Variants in KDM4D observed in about 807,000 individuals in gnomAD.
KDM4D encodes the protein lysine-specific demethylase 4D.
For synonymous variants in KDM4D, 254 were observed against 249.1 expected, an observed-to-expected ratio of 1.02 and a Z score of -0.19; for missense variants, 427 against 674.8, an observed-to-expected ratio of 0.63 and a Z score of 4.07.
At position 94,997,218 on chromosome 11, in the gene KDM4D, G is replaced by A; in HGVS notation, c.-155G>A. The A allele has an allele frequency of 3.8e-6, 2 of 525,244 alleles. No individual in the cohort carries two copies. The highest frequency in any genetic ancestry group is 6.4e-6 in the Non-Finnish European group (2 of 314,960). The allele number at this position is 525,244 out of a possible 1,614,324, so 32.5% of individuals were successfully genotyped here. On this transcript the variant is annotated 5_prime_UTR_variant, in exon 3 of 3. Transcript: ENST00000335080. ...CTCACTAGTGAATAAACAAGCCCAA[G>A]AAAGATTATCATCTCATTTGCAAAA...
intron 2 of KDM4D, among the ~76,000 whole-genome samples, chr11:94,987,947 A>G (rs75189964): frequency 1.3e-5 from 2 of 152,170 alleles, no homozygotes; most frequent in Non-Finnish European, 2.9e-5. Context: ...TTGCTGTCTT[A>G]ACAGTATTTG....
At position 94,999,174 on chromosome 11, in the gene KDM4D, A is replaced by C; in HGVS notation, c.*230A>C. On this transcript the variant is annotated 3_prime_UTR_variant, in exon 3 of 3. Coordinates refer to ENST00000335080, the MANE Select transcript of KDM4D (RefSeq NM_018039.3). ...ATGTCTTTGGATATTGCTAAAATCT[A>C]TTTCTGCAGCTGAGGTTTTATCCAC... 2.5e-6 allele frequency: 1 copy of C among 392,478 alleles called. No individual in the cohort carries two copies. The highest frequency in any genetic ancestry group is 4.7e-6 in the Non-Finnish European group (1 of 212,194). 24.3% of individuals were successfully genotyped at this position (392,478 alleles called of 1,614,324 possible). A position where few individuals can be genotyped will look rare whatever the true frequency, so the allele number is the denominator to read the frequency against.
Position 94,974,014 on chromosome 11 carries a change from A to C in KDM4D, c.-499A>C, listed in dbSNP as rs1857773384. The C allele has an allele frequency of 6.6e-6, 1 of 152,270 alleles. No homozygotes were observed. The highest frequency in any genetic ancestry group is 6.5e-5 in the Admixed American group (1 of 15,282). The allele number at this position is 152,270 out of a possible 1,614,324, so 9.4% of individuals were successfully genotyped here. ...TTCGGAAAAACTAGTGTTTTCATTT[A>C]ATTGGATATGAAGAAAGAACAAATA... On this transcript the variant is annotated 5_prime_UTR_variant, in exon 1 of 3. Transcript: ENST00000335080.
chr11:94,989,649 A>C (rs1344020393), intron 2 of KDM4D, among the ~76,000 whole-genome samples: 4 of 151,856 alleles, frequency 2.6e-5, no homozygotes, highest in African/African-American at 9.7e-5. Flanking sequence ...ACACTCCTCT[A>C]GATGTTCATA....
intron 1 of KDM4D, among the ~76,000 whole-genome samples, chr11:94,974,827 G>A (rs1240667484): frequency 1.3e-5 from 2 of 152,068 alleles, no homozygotes; most frequent in Non-Finnish European, 2.9e-5. Flanking sequence ...TCTCCTACCT[G>A]GATTGTAATT....
At chr11:94,981,295 A>G (rs1438441914) in intron 2 of KDM4D, among the ~76,000 whole-genome samples, 2 of 152,186 alleles carry the variant, frequency 1.3e-5, no homozygotes, top group East Asian at 1.9e-4. Flanking sequence ...TTTTCCATCT[A>G]TGTTCATAAG....
chr11:94,989,748 C>CT (rs1491463518), intron 2 of KDM4D, among the ~76,000 whole-genome samples: 1 of 74,594 alleles, frequency 1.3e-5, no homozygotes, highest in African/African-American at 4.9e-5. Flanking sequence ...CTCTCTCTCT[C>CT]TTTCTTTTTT....
intron 2 of KDM4D, among the ~76,000 whole-genome samples, chr11:94,995,836 C>T (rs1465372987): frequency 6.6e-6 from 1 of 152,160 alleles, no homozygotes; most frequent in Non-Finnish European, 1.5e-5. Context: ...CATCAACAAC[C>T]TTATCCCTTT....
chr11:94,991,476 T>A, intron 2 of KDM4D, among the ~76,000 whole-genome samples: 1 of 151,492 alleles, frequency 6.6e-6, no homozygotes. Context: ...TCTAGAGAGG[T>A]AAAAGAAGAA....
rs909785573 is a variant in KDM4D, at chr11:94,999,471, A to T, written c.*527A>T. The T allele has an allele frequency of 6.0e-6, 1 of 166,050 alleles. No homozygotes were observed. The highest frequency in any genetic ancestry group is 1.5e-5 in the Non-Finnish European group (1 of 68,172). The allele number at this position is 166,050 out of a possible 1,614,324, so 10.3% of individuals were successfully genotyped here. A position where few individuals can be genotyped will look rare whatever the true frequency, so the allele number is the denominator to read the frequency against. ...TTATGTACTTAAAATATGTTGTCAC[A>T]GTATTTGTTCCCAAATATATTAAAG... On this transcript the variant is annotated 3_prime_UTR_variant, in exon 3 of 3. Transcript: ENST00000335080.
chr11:94,996,380 G>C (rs1857976043), intron 2 of KDM4D, among the ~76,000 whole-genome samples: 1 of 152,108 alleles, frequency 6.6e-6, no homozygotes, highest in East Asian at 1.9e-4. Context: ...CTTTTCCCAA[G>C]GTAGCCACTA....
At position 94,981,787 on chromosome 11, in the gene KDM4D, A is replaced by G. The variant is rs1011208948; in HGVS notation, c.-350+6039A>G. Reference sequence around the variant, plus strand: ...TATTAGACTTTTTTAAAAAAGCCCAACTTTTGGTTTTGTTCATCATATTTT... The same window carrying G: ...TATTAGACTTTTTTAAAAAAGCCCAGCTTTTGGTTTTGTTCATCATATTTT... On this transcript the variant is annotated intron_variant, in intron 2 of 2. Coordinates refer to ENST00000335080, the MANE Select transcript of KDM4D (RefSeq NM_018039.3). Among the ~76,000 whole-genome samples the G allele has an allele frequency of 2.6e-5, 4 of 151,246 alleles. No homozygotes were observed. The East Asian group carries it at 7.7e-4, about 29-fold the overall frequency.
rs143160670 is a variant in KDM4D at position 94,998,236 on chromosome 11, C to T, written c.864C>T (p.Asn288=). 9 of 1,614,122 alleles carry T rather than the reference C, an allele frequency of 5.6e-6. No homozygotes were observed. In the African/African-American group the frequency reaches 9.3e-5, roughly 17 times the overall value. ...GYHAGFNHGF[N]CAEAINFATP... ...ATGCTGGCTTCAACCATGGTTTCAA[C>T]TGCGCAGAGGCCATCAATTTTGCCA... Residue 288 remains asparagine (N), a synonymous_variant, in exon 3 of 3, where the codon AAC becomes AAT. Transcript: ENST00000335080. The surrounding 1 kb of genome is among the most constrained non-coding windows in gnomAD (Gnocchi z 6.7).
intron 2 of KDM4D, among the ~76,000 whole-genome samples, chr11:94,992,133 C>T (rs1857940210): frequency 6.6e-6 from 1 of 151,854 alleles, no homozygotes. Flanking sequence ...TATTTATCTC[C>T]ATCTAGATGA....
intron 2 of KDM4D, among the ~76,000 whole-genome samples, chr11:94,989,414 G>A (rs587603029): frequency 2.6e-5 from 4 of 152,324 alleles, no homozygotes; most frequent in Non-Finnish European, 5.9e-5. Flanking sequence ...TCTGCTGCCA[G>A]ATACCACTGT....
chr11:94,983,250 G>A (rs1857856851), intron 2 of KDM4D, among the ~76,000 whole-genome samples: 1 of 151,268 alleles, frequency 6.6e-6, no homozygotes, highest in African/African-American at 2.4e-5. Context: ...TGGGGAAAAT[G>A]GTGGCAAACA....
At chr11:94,992,703 G>T (rs949499489) in intron 2 of KDM4D, among the ~76,000 whole-genome samples, 1 of 151,790 alleles carries the variant, frequency 6.6e-6, no homozygotes, top group Admixed American at 6.6e-5. Context: ...AATATTTTAC[G>T]GGATGTACTG....
In KDM4D at chr11:94,997,699, A is replaced by T. The variant is rs781974925; in HGVS notation, c.327A>T (p.Lys109Asn). Reference sequence around the variant, plus strand: ...ATCGCCATTTGGCAAACAGTAAAAAATATCAGACTCCACCACACCAGAATT... The same window carrying T: ...ATCGCCATTTGGCAAACAGTAAAAATTATCAGACTCCACCACACCAGAATT... ...GEYRHLANSK[K>N]YQTPPHQNFE... The change falls in exon 3 of 3, where the codon AAA becomes AAT. Residue 109 changes from lysine (K) to asparagine (N), a missense_variant. By Grantham distance (94) the Lys-to-Asn change is moderately conservative. Transcript: ENST00000335080. 6.2e-7 allele frequency: 1 copy of T among 1,614,278 alleles called. No homozygotes were observed. The highest frequency in any genetic ancestry group is 1.1e-5 in the South Asian group (1 of 91,092).
At chr11:94,982,543 TAA>T (rs56220010) in intron 2 of KDM4D, among the ~76,000 whole-genome samples, 200 of 139,540 alleles carry the variant, frequency 1.4e-3, no homozygotes, top group Middle Eastern at 3.8e-3. Flanking sequence ...TCCCTATTTC[TAA>T]AAAAAAAAAA....
Sources: gnomAD v4.1 joint callset for allele counts (sites outside exome capture counted in the v4.1 genomes callset) on GRCh38, gnomAD v4.1.1 for gene constraint, Gnocchi (gnomAD v3.1) non-coding constraint, MANE v1.5 for transcripts, NCBI Gene and HGNC (gene_info 2026-07-23, HGNC 2026-07-21) for gene names.